Variants in FRY observed in about 807,000 individuals in gnomAD.
The protein encoded by FRY is protein furry homolog.
In FRY, 128 loss-of-function variants were observed where a neutral mutation model predicts 348.4. That is an observed-to-expected ratio of 0.37 (90% CI 0.32 to 0.43). The LOEUF is 0.43. Among genes scored for constraint, FRY ranks in the 20% least tolerant of loss-of-function variants. The pLI is 1.00. For missense variants in FRY, 2,736 were observed against 3,695.2 expected (o/e 0.74, Z 6.73); for synonymous variants, 1,370 against 1,374.7 (o/e 1.00, Z 0.08).
At chr13:32,096,438 G>C (rs568964805) in intron 2 of FRY, among the ~76,000 whole-genome samples, 4 of 129,598 alleles carry the variant, frequency 3.1e-5, no homozygotes, top group East Asian at 4.0e-4. Context: ...GGAAAACTGC[G>C]GGGGGGGGCT....
chr13:32,064,222 G>A (rs965102518), intron 1 of FRY, among the ~76,000 whole-genome samples: 1 of 152,070 alleles, frequency 6.6e-6, no homozygotes, highest in Non-Finnish European at 1.5e-5. Context: ...ATCCTAGAAG[G>A]AAGTGAGCAT....
chr13:32,194,086 T>C, intron 28 of FRY, 57 bp from the exon 29 acceptor site: 5 of 1,492,200 alleles, frequency 3.4e-6, no homozygotes, highest in Non-Finnish European at 4.7e-6. Context: ...TCTGTATCTT[T>C]CTCTAGAACA....
At chr13:32,161,539 C>T (rs971705855) in intron 17 of FRY, among the ~76,000 whole-genome samples, 4 of 152,138 alleles carry the variant, frequency 2.6e-5, no homozygotes, top group Non-Finnish European at 4.4e-5. Flanking sequence ...TAAGAGATTA[C>T]TATGGACTGG....
At chr13:32,103,738 G>A (rs550453203) in intron 3 of FRY, among the ~76,000 whole-genome samples, 1 of 152,308 alleles carries the variant, frequency 6.6e-6, no homozygotes, top group African/African-American at 2.4e-5. Flanking sequence ...GCCGAGGCAG[G>A]TGGATCTCCT....
At chr13:32,095,910 C>T (rs768247452) in intron 2 of FRY, among the ~76,000 whole-genome samples, 2 of 152,128 alleles carry the variant, frequency 1.3e-5, no homozygotes, top group African/African-American at 2.4e-5. Context: ...CCTTTCCTCT[C>T]TTTTTATCTC....
intron 1 of FRY, among the ~76,000 whole-genome samples, chr13:32,057,916 C>T (rs1036537973): frequency 6.6e-5 from 10 of 151,862 alleles, no homozygotes; most frequent in Non-Finnish European, 1.3e-4. Context: ...GCCAAGATCG[C>T]GCCACTATAC....
At chr13:32,114,867 T>A (rs953311761) in intron 3 of FRY, among the ~76,000 whole-genome samples, 3 of 152,190 alleles carry the variant, frequency 2.0e-5, no homozygotes, top group African/African-American at 4.8e-5. Flanking sequence ...TTCTGAAAAG[T>A]TACTGCTGTT....
At position 32,236,150 on chromosome 13, in the gene FRY, G is replaced by A. The variant is rs1384974510; in HGVS notation, c.5788G>A (p.Asp1930Asn). 6.2e-7 allele frequency: 1 copy of A among 1,612,244 alleles called. No individual in the cohort carries two copies. Among genetic ancestry groups the A allele is most frequent in the African/African-American group, 1.3e-5 (1 of 74,856 alleles). The stretch of plus-strand genomic sequence containing the variant: ...CTTGTCTGACTGCTTGAAGAACAGT[G>A]ACCTCCTAACTGTATTGTCCCGGTG... The part of the protein sequence containing the change: ...DNLSDCLKNS[D>N]LLTVLSRSSS... Residue 1930 changes from aspartate to asparagine, a missense_variant, in exon 43 of 61, where the codon GAC becomes AAC. By Grantham distance (23) the Asp-to-Asn change is conservative (BLOSUM62 1). Around this residue, in one of 9 missense-constraint regions of FRY, gnomAD observed 794 missense variants for 977.0 expected, o/e 0.81. Transcript: ENST00000542859.
rs200222242 is a variant in FRY, at chr13:32,262,330, C to T, written c.7634C>T (p.Pro2545Leu). 2 of 1,613,556 alleles carry T rather than the reference C, an allele frequency of 1.2e-6. No homozygotes were observed. Among genetic ancestry groups the T allele is most frequent in the Non-Finnish European group, 1.7e-6 (2 of 1,179,490 alleles). The change falls in exon 53 of 61, where the codon CCC (proline) becomes CTC (leucine). Residue 2545 changes from proline to leucine, a missense_variant. Physicochemically the swap from Pro to Leu is moderately conservative, Grantham distance 98. Around this residue, in one of 9 missense-constraint regions of FRY, gnomAD observed 789 missense variants for 996.2 expected, o/e 0.79. Transcript: ENST00000542859. ...EHSDLIMTLS[P>L]SEETNPMELL... ...TTTAAACAGATCATGACTCTCTCCC[C>T]CTCTGAAGAGACGAATCCCATGGAG...
intron 8 of FRY, among the ~76,000 whole-genome samples, chr13:32,133,045 A>T (rs1199734219): frequency 6.6e-6 from 1 of 152,188 alleles, no homozygotes; most frequent in African/African-American, 2.4e-5. Flanking sequence ...TGGGGAGTGG[A>T]TAGGGAGGTT....
At position 32,298,962 on chromosome 13, in the gene FRY, G is replaced by A. The variant is rs1203073154; in HGVS notation, c.*3502G>A. 1 of 152,206 alleles carries A rather than the reference G, an allele frequency of 6.6e-6. No homozygotes were observed. Among genetic ancestry groups the A allele is most frequent in the African/African-American group, 2.4e-5 (1 of 41,446 alleles). The allele number at this position is 152,206 out of a possible 1,614,324, so 9.4% of individuals were successfully genotyped here. A position where few individuals can be genotyped will look rare whatever the true frequency, so the allele number is the denominator to read the frequency against. ...ACATGCTGTGACTTATGTTTAAAAG[G>A]ATTACTCCTTCATAGCGATGAAGAA... is the stretch of plus-strand genomic sequence containing the variant. On this transcript the variant is annotated 3_prime_UTR_variant, in exon 61 of 61. Transcript: ENST00000542859.
At chr13:32,063,474 C>G (rs1431625778) in intron 1 of FRY, among the ~76,000 whole-genome samples, 1 of 142,014 alleles carries the variant, frequency 7.0e-6, no homozygotes, top group African/African-American at 2.6e-5. Context: ...AAGAACCACA[C>G]TTTGCATTGT....
intron 20 of FRY, 92 bp from the exon 21 acceptor site, chr13:32,178,085 A>C (rs1429434499): frequency 7.4e-7 from 1 of 1,345,494 alleles, no homozygotes; most frequent in Non-Finnish European, 1.1e-6. Flanking sequence ...CAGCAAAAGC[A>C]CTGTGCAAGA....
At chr13:32,170,541 TG>T (rs1881998822) in intron 17 of FRY, among the ~76,000 whole-genome samples, 2 of 152,216 alleles carry the variant, frequency 1.3e-5, no homozygotes, top group Non-Finnish European at 2.9e-5. Flanking sequence ...TGTTTTGTTT[TG>T]TTTTGTTTTT....
chr13:32,091,336 T>TCACAC (rs1178338033), intron 2 of FRY, among the ~76,000 whole-genome samples: 2 of 152,156 alleles, frequency 1.3e-5, no homozygotes, highest in African/African-American at 4.8e-5. Flanking sequence ...TCAAGATTAA[T>TCACAC]CACACCAGTG....
At chr13:32,253,930 T>TAC (rs1382627705) in intron 50 of FRY, among the ~76,000 whole-genome samples, 12 of 143,960 alleles carry the variant, frequency 8.3e-5, no homozygotes, top group South Asian at 4.2e-4. Flanking sequence ...TGCTCCAGTT[T>TAC]ACACACACAC....
intron 1 of FRY, among the ~76,000 whole-genome samples, chr13:32,038,225 GAACA>G (rs1320267412): frequency 1.3e-5 from 2 of 152,160 alleles, no homozygotes; most frequent in Non-Finnish European, 2.9e-5. Context: ...AGATTTAAAT[GAACA>G]AATAATAATC....
At chr13:32,150,102 C>A (rs1443567611) in intron 14 of FRY, among the ~76,000 whole-genome samples, 1 of 152,146 alleles carries the variant, frequency 6.6e-6, no homozygotes, top group African/African-American at 2.4e-5. Flanking sequence ...AAAGATAATT[C>A]ATCACTAAAA....
chr13:32,169,314 C>T (rs1030865284), intron 17 of FRY, among the ~76,000 whole-genome samples: 6 of 152,188 alleles, frequency 3.9e-5, no homozygotes, highest in African/African-American at 1.4e-4. Context: ...ATGTTTCTTT[C>T]CCTATAACTT....
Sources: allele counts gnomAD v4.1 joint callset (sites outside exome capture counted in the v4.1 genomes callset), GRCh38; gene constraint gnomAD v4.1.1; regional missense constraint gnomAD v4.1.1; transcripts MANE v1.5; gene names NCBI Gene and HGNC (gene_info 2026-07-23, HGNC 2026-07-21).